MAGI1: variants seen among roughly 807,000 people sequenced by gnomAD.
MAGI1 encodes the protein membrane-associated guanylate kinase, WW and PDZ domain-containing protein 1.
In MAGI1, 58 loss-of-function variants were observed where a neutral mutation model predicts 139.9. That is an observed-to-expected ratio of 0.41 (90% CI 0.34 to 0.52). The LOEUF (loss-of-function observed/expected upper bound fraction) is 0.52. MAGI1 is among the 20% of genes least tolerant of loss of function. MAGI1 has a pLI of 0.12. For synonymous variants in MAGI1, 812 were observed against 737.9 expected (o/e 1.10, Z -1.63); for missense variants, 1,874 against 1,901.6 (o/e 0.99, Z 0.27).
In MAGI1 at chr3:65,984,486, G is replaced by A. The variant is rs192488883; in HGVS notation, c.313+53510C>T. On this transcript the variant is annotated intron_variant, in intron 1 of 22. Transcript: ENST00000402939. ...TTCCCCTCTCCTTCTTTTAAAACAC[G>A]TTTAATATAATATTTTCAAAATAAA... Among the ~76,000 whole-genome samples, 1,386 of 149,132 alleles carry A rather than the reference G, an allele frequency of 9.3e-3. 7 individuals are homozygous for A. Among genetic ancestry groups the A allele is most frequent in the Middle Eastern group, 0.021 (6 of 286 alleles).
At chr3:65,699,658 A>G (rs886180459) in intron 1 of MAGI1, among the ~76,000 whole-genome samples, 4 of 145,820 alleles carry the variant, frequency 2.7e-5, no homozygotes, top group Non-Finnish European at 6.0e-5. Flanking sequence ...ATGCTCACTC[A>G]TAGGTGGGAA....
chr3:65,862,531 A>C (rs35514024), intron 1 of MAGI1, among the ~76,000 whole-genome samples: 2,821 of 152,278 alleles, frequency 0.019, 42 homozygotes, highest in Non-Finnish European at 0.029. Context: ...ACCCTGCATC[A>C]CACACCTAGT....
chr3:65,736,636 G>T (rs1001399231), intron 1 of MAGI1, among the ~76,000 whole-genome samples: 6 of 152,128 alleles, frequency 3.9e-5, no homozygotes, highest in Non-Finnish European at 7.4e-5. Context: ...GAGCTCCAAT[G>T]TCCAAGGGCA....
At chr3:65,755,057 A>G (rs905468184) in intron 1 of MAGI1, among the ~76,000 whole-genome samples, 4 of 151,584 alleles carry the variant, frequency 2.6e-5, no homozygotes, top group African/African-American at 9.7e-5. Flanking sequence ...GGGTTCCAGC[A>G]ATTCTCCTAT....
At chr3:65,534,728 A>C (rs1002191516) in intron 2 of MAGI1, among the ~76,000 whole-genome samples, 4 of 152,200 alleles carry the variant, frequency 2.6e-5, no homozygotes, top group Non-Finnish European at 5.9e-5. Flanking sequence ...CGATGATGGC[A>C]AGAGAGCACC....
At chr3:65,500,081 T>C (rs2077025224) in intron 2 of MAGI1, among the ~76,000 whole-genome samples, 1 of 152,176 alleles carries the variant, frequency 6.6e-6, no homozygotes. Flanking sequence ...ACACAAACAA[T>C]GTTTCAAGGT....
At chr3:65,883,799 T>C (rs1394093998) in intron 1 of MAGI1, among the ~76,000 whole-genome samples, 1 of 152,120 alleles carries the variant, frequency 6.6e-6, no homozygotes, top group African/African-American at 2.4e-5. Context: ...GTAACAACTG[T>C]TTATCTTAGG....
At chr3:65,735,599 CA>C (rs936363260) in intron 1 of MAGI1, among the ~76,000 whole-genome samples, 19 of 152,034 alleles carry the variant, frequency 1.2e-4, no homozygotes, top group African/African-American at 4.1e-4. Flanking sequence ...GGGATCCGTC[CA>C]ACCCAGTGAA....
chr3:65,892,692 C>T (rs537147998), intron 1 of MAGI1, among the ~76,000 whole-genome samples: 1 of 152,256 alleles, frequency 6.6e-6, no homozygotes, highest in Non-Finnish European at 1.5e-5. Context: ...TTACCTGGGG[C>T]ACTTAATCAC....
chr3:65,553,656 TA>T (rs2079955019), intron 2 of MAGI1, among the ~76,000 whole-genome samples: 1 of 152,162 alleles, frequency 6.6e-6, no homozygotes, highest in South Asian at 2.1e-4. Context: ...AATGAATAAA[TA>T]AGAGTCCAAA....
chr3:65,813,179 C>T (rs1304655808), intron 1 of MAGI1, among the ~76,000 whole-genome samples: 1 of 151,990 alleles, frequency 6.6e-6, no homozygotes, highest in African/African-American at 2.4e-5. Context: ...GCACATATAC[C>T]TGAACTGACT....
intron 12 of MAGI1, among the ~76,000 whole-genome samples, chr3:65,402,659 G>A (rs914631142): frequency 3.3e-5 from 5 of 152,078 alleles, no homozygotes; most frequent in Non-Finnish European, 7.4e-5. Flanking sequence ...CAACTCTTTT[G>A]GAAGTGACTT....
chr3:65,465,458 T>G (rs1294850707), intron 5 of MAGI1, among the ~76,000 whole-genome samples: 9 of 152,068 alleles, frequency 5.9e-5, no homozygotes, highest in Non-Finnish European at 1.0e-4. Flanking sequence ...TTCTTTCGTC[T>G]AAGAATATTT....
chr3:65,692,562 C>G (rs771847624), intron 1 of MAGI1, among the ~76,000 whole-genome samples: 5 of 152,152 alleles, frequency 3.3e-5, no homozygotes, highest in Admixed American at 6.5e-5. Flanking sequence ...ATCATCATCA[C>G]CATCCCCATT....
intron 1 of MAGI1, among the ~76,000 whole-genome samples, chr3:65,957,339 C>A (rs2064172735): frequency 1.4e-5 from 2 of 140,628 alleles, no homozygotes; most frequent in Admixed American, 7.1e-5. Flanking sequence ...CATGGCAAAA[C>A]CCTGTCTCTA....
At chr3:65,637,560 G>GAAAGAAAGAAAGAAAGAAAGAAAC (rs1559743443) in intron 1 of MAGI1, among the ~76,000 whole-genome samples, 43 of 28,694 alleles carry the variant, frequency 1.5e-3, no homozygotes, top group African/African-American at 4.5e-3. Context: ...TCCAAAAAAA[G>GAAAGAAAGAAAGAAAGAAAGAAAC]AAAGAAAGAA....
chr3:65,360,472 A>T (rs1314499639), intron 22 of MAGI1: 2 of 985,028 alleles, frequency 2.0e-6, no homozygotes, highest in African/African-American at 1.7e-5. Flanking sequence ...TGTCTACTCA[A>T]ATCAAGTCTA....
chr3:65,470,511 G>GAA, intron 4 of MAGI1, 27 bp from the exon 5 acceptor site: 1 of 1,380,586 alleles, frequency 7.2e-7, no homozygotes, highest in South Asian at 1.3e-5. Flanking sequence ...AGAGGTGAGA[G>GAA]AGAGAGAGAG....
At chr3:65,808,412 T>C (rs1016911247) in intron 1 of MAGI1, among the ~76,000 whole-genome samples, 1 of 152,026 alleles carries the variant, frequency 6.6e-6, no homozygotes, top group Non-Finnish European at 1.5e-5. Context: ...GGCAGGAGAA[T>C]AGCTTGAAGC....
Sources: allele counts gnomAD v4.1 joint callset (sites outside exome capture counted in the v4.1 genomes callset), GRCh38; gene constraint gnomAD v4.1.1; transcripts MANE v1.5; gene names NCBI Gene and HGNC (gene_info 2026-07-23, HGNC 2026-07-21).